Variants in AKAP6 observed in about 807,000 individuals in gnomAD.
The protein encoded by AKAP6 is A-kinase anchor protein 6.
AKAP6 carries 58 observed loss-of-function variants against 188.5 expected under a neutral mutation model. That is an observed-to-expected ratio of 0.31 (90% CI 0.25 to 0.38). The LOEUF is 0.38. AKAP6 is among the 10% of genes least tolerant of loss of function. AKAP6 has a pLI of 1.00. For missense variants in AKAP6, 2,710 were observed against 2,740.0 expected (o/e 0.99, Z 0.24); for synonymous variants, 989 against 998.6 (o/e 0.99, Z 0.18).
chr14:32,545,658 T>C lies in AKAP6; in HGVS notation c.1005T>C (p.Asn335=). The C allele has an allele frequency of 6.2e-7, 1 of 1,614,162 alleles. No homozygotes were observed. ...VSSSSGEALT[N]AAQPSSETVQ... is the part of the protein sequence containing the mutation. ...CATCTTCAGGAGAAGCTCTGACAAA[T>C]GCTGCTCAACCCTCCTCTGAGACTG... Residue 335 remains asparagine (N), a synonymous_variant, in exon 4 of 14, where the codon AAT becomes AAC. Coordinates refer to ENST00000280979, the MANE Select transcript of AKAP6 (RefSeq NM_004274.5).
intron 9 of AKAP6, among the ~76,000 whole-genome samples, chr14:32,709,023 T>C (rs1444491083): frequency 6.6e-6 from 1 of 152,078 alleles, no homozygotes; most frequent in Non-Finnish European, 1.5e-5. Flanking sequence ...TTAAGCTAAT[T>C]GAAATATTTT....
intron 7 of AKAP6, among the ~76,000 whole-genome samples, chr14:32,617,819 G>T (rs985295330): frequency 7.2e-5 from 11 of 152,088 alleles, no homozygotes; most frequent in Admixed American, 5.9e-4. Flanking sequence ...GTAGAGACAG[G>T]GTTTCGCCAT....
chr14:32,730,423 G>A (rs2031116933), intron 9 of AKAP6, among the ~76,000 whole-genome samples: 1 of 152,102 alleles, frequency 6.6e-6, no homozygotes, highest in South Asian at 2.1e-4. Context: ...GAGAAGATTG[G>A]TTTATTACAT....
intron 5 of AKAP6, among the ~76,000 whole-genome samples, chr14:32,598,199 A>G (rs1256012324): frequency 6.6e-6 from 1 of 152,208 alleles, no homozygotes; most frequent in Non-Finnish European, 1.5e-5. Context: ...AACTTCTATC[A>G]AATATTCTTA....
At chr14:32,642,813 A>G (rs1294878552) in intron 7 of AKAP6, among the ~76,000 whole-genome samples, 1 of 152,166 alleles carries the variant, frequency 6.6e-6, no homozygotes, top group Non-Finnish European at 1.5e-5. Context: ...CCCTATTAAC[A>G]TTACTCAGGT....
At chr14:32,688,161 C>A (rs1244822990) in intron 8 of AKAP6, among the ~76,000 whole-genome samples, 7 of 150,676 alleles carry the variant, frequency 4.6e-5, no homozygotes, top group African/African-American at 1.7e-4. Flanking sequence ...TACACACACA[C>A]CACACACACA....
chr14:32,397,893 T>G (rs955487135), intron 1 of AKAP6, among the ~76,000 whole-genome samples: 7 of 152,206 alleles, frequency 4.6e-5, no homozygotes, highest in Admixed American at 2.0e-4. Context: ...TTTGAAGGCT[T>G]TGGCTTTTGC....
intron 1 of AKAP6, among the ~76,000 whole-genome samples, chr14:32,334,619 A>G (rs554293330): frequency 1.3e-5 from 2 of 152,302 alleles, no homozygotes; most frequent in South Asian, 4.1e-4. Context: ...AAAACATAGT[A>G]TATGTAGGGT....
At chr14:32,636,611 C>T (rs1023106220) in intron 7 of AKAP6, among the ~76,000 whole-genome samples, 2 of 151,946 alleles carry the variant, frequency 1.3e-5, no homozygotes, top group African/African-American at 4.8e-5. Flanking sequence ...AGAAGGATGT[C>T]TACACTGGGA....
chr14:32,662,281 A>G (rs1044008062), intron 7 of AKAP6, among the ~76,000 whole-genome samples: 1 of 152,054 alleles, frequency 6.6e-6, no homozygotes, highest in African/African-American at 2.4e-5. Flanking sequence ...TGTCATTTTA[A>G]AAAAATACAC....
intron 9 of AKAP6, among the ~76,000 whole-genome samples, chr14:32,703,752 T>G (rs1466948504): frequency 6.6e-6 from 1 of 152,226 alleles, no homozygotes; most frequent in Non-Finnish European, 1.5e-5. Context: ...TTCAATGAGA[T>G]AAGTTTATTC....
intron 12 of AKAP6, among the ~76,000 whole-genome samples, chr14:32,819,124 T>C (rs1173102952): frequency 6.6e-6 from 1 of 152,100 alleles, no homozygotes; most frequent in African/African-American, 2.4e-5. Context: ...CCTAAGCCAC[T>C]GTGATGATTG....
At chr14:32,555,317 G>A (rs1008090229) in intron 4 of AKAP6, among the ~76,000 whole-genome samples, 9 of 151,830 alleles carry the variant, frequency 5.9e-5, no homozygotes, top group Admixed American at 1.3e-4. Context: ...TTTTTCCCCC[G>A]AGATTAACTT....
At chr14:32,755,893 C>T (rs1457324647) in intron 11 of AKAP6, among the ~76,000 whole-genome samples, 1 of 152,248 alleles carries the variant, frequency 6.6e-6, no homozygotes, top group Non-Finnish European at 1.5e-5. Context: ...TGTCATGTTT[C>T]TCTGATTATT....
At chr14:32,389,310 T>A (rs967684956) in intron 1 of AKAP6, among the ~76,000 whole-genome samples, 2 of 152,200 alleles carry the variant, frequency 1.3e-5, no homozygotes, top group East Asian at 3.9e-4. Context: ...AGTCTGTATC[T>A]TTTAAGTGGA....
At chr14:32,572,877 G>A (rs1884552248) in intron 4 of AKAP6, among the ~76,000 whole-genome samples, 1 of 152,154 alleles carries the variant, frequency 6.6e-6, no homozygotes, top group Non-Finnish European at 1.5e-5. Context: ...GACAACCACT[G>A]GTAGGAGGGC....
chr14:32,824,767 T>C lies in AKAP6; in HGVS notation c.6954T>C (p.His2318=), dbSNP rs773828118. ...ATGAAAAACGACATAGAAATATGCA[T>C]AGGTAGAATGTACCCCCTCCCCAAG... is the stretch of plus-strand genomic sequence containing the variant. ...NLHEKRHRNM[H]R is the part of the protein sequence containing the mutation. The change falls in exon 13 of 14, where the codon CAT becomes CAC. Residue 2318 remains histidine (H), a synonymous_variant. Coordinates refer to ENST00000280979, the MANE Select transcript of AKAP6 (RefSeq NM_004274.5). 5.6e-6 allele frequency: 9 copies of C among 1,610,976 alleles called. 1 individual carries two copies. In the East Asian group the frequency reaches 6.7e-5, roughly 12 times the overall value.
intron 12 of AKAP6, among the ~76,000 whole-genome samples, chr14:32,783,554 G>A (rs1295205283): frequency 6.6e-6 from 1 of 152,014 alleles, no homozygotes; most frequent in East Asian, 1.9e-4. Flanking sequence ...TTACCCTGAA[G>A]CCTGGCAGTG....
At chr14:32,393,239 A>G (rs372173501) in intron 1 of AKAP6, among the ~76,000 whole-genome samples, 158 of 152,290 alleles carry the variant, frequency 1.0e-3, no homozygotes, top group Middle Eastern at 0.01. Context: ...TGATAAACTG[A>G]AAAGGGTATT....
Sources: allele counts gnomAD v4.1 joint callset (sites outside exome capture counted in the v4.1 genomes callset), GRCh38; gene constraint gnomAD v4.1.1; transcripts MANE v1.5; gene names NCBI Gene and HGNC (gene_info 2026-07-23, HGNC 2026-07-21).